Variants in ZNF99 observed in about 807,000 individuals in gnomAD.
ZNF99 encodes zinc finger protein 99.
In ZNF99, 8 loss-of-function variants were observed where a neutral mutation model predicts 12.8. The observed-to-expected ratio is 0.62, with a 90% CI of 0.37 to 1.13. The LOEUF is 1.13. Among genes scored for constraint, ZNF99 ranks in the 50% most tolerant of loss-of-function variants. ZNF99 has a pLI of 0.02. For missense variants in ZNF99, 1,007 were observed against 1,006.2 expected (o/e 1.00, Z -0.01); for synonymous variants, 318 against 319.0 (o/e 1.00, Z 0.03).
Position 22,754,647 on chromosome 19 carries a change from T to C in ZNF99, c.*2667A>G. On this transcript the variant is annotated 3_prime_UTR_variant, in exon 4 of 4. Transcript: ENST00000596209. ...GAAATGGTTACAGTGTTTGCCACAT[T>C]CTTCATATTTGTAGGGCTAGTTTCC... 1 of 337,614 alleles carries C rather than the reference T, an allele frequency of 3.0e-6. No individual in the cohort carries two copies. Among genetic ancestry groups the C allele is most frequent in the Non-Finnish European group, 5.9e-6 (1 of 170,126 alleles). 20.9% of individuals were successfully genotyped at this position (337,614 alleles called of 1,614,324 possible). A position where few individuals can be genotyped will look rare whatever the true frequency, so the allele number is the denominator to read the frequency against.
At position 22,753,072 on chromosome 19, in the gene ZNF99, GTAAA is replaced by G. The variant is rs2145133584; in HGVS notation, c.*4238_*4241del. 2 of 152,160 alleles carry G rather than the reference GTAAA, an allele frequency of 1.3e-5. No homozygotes were observed. The highest frequency in any genetic ancestry group is 2.1e-4 in the South Asian group (1 of 4,826). The allele number at this position is 152,160 out of a possible 1,614,324, so 9.4% of individuals were successfully genotyped here. A position where few individuals can be genotyped will look rare whatever the true frequency, so the allele number is the denominator to read the frequency against. On this transcript the variant is annotated 3_prime_UTR_variant, in exon 4 of 4. Coordinates refer to ENST00000596209, the MANE Select transcript of ZNF99 (RefSeq NM_001080409.3). The stretch of plus-strand genomic sequence containing the variant: ...AACAATTGATCGCATGCTTTCACAT[GTAAA>G]TAAAGTAGGAATGAAGAGCATGAAG...
At chr19:22,781,233 G>A (rs1250812869) in intron 1 of ZNF99, among the ~76,000 whole-genome samples, 2 of 152,000 alleles carry the variant, frequency 1.3e-5, no homozygotes, top group Non-Finnish European at 2.9e-5. Context: ...AGGTACAGAT[G>A]TGTCTGATTC....
intron 1 of ZNF99, among the ~76,000 whole-genome samples, chr19:22,783,689 C>T (rs1973415461): frequency 6.6e-6 from 1 of 152,148 alleles, no homozygotes; most frequent in Non-Finnish European, 1.5e-5. Context: ...GAACCCGCAC[C>T]CGGAGTCAGG....
At chr19:22,768,623 G>T (rs34611323) in intron 2 of ZNF99, among the ~76,000 whole-genome samples, 1 of 151,952 alleles carries the variant, frequency 6.6e-6, no homozygotes, top group South Asian at 2.1e-4. Flanking sequence ...AGATTTCAAG[G>T]TGTGGCAACT....
rs1302943564 is a variant in ZNF99 at position 22,757,056 on chromosome 19, T to C, written c.*258A>G. 1.2e-6 allele frequency: 2 copies of C among 1,612,834 alleles called. No individual in the cohort carries two copies. The highest frequency in any genetic ancestry group is 1.7e-4 in the Middle Eastern group (1 of 6,044). On this transcript the variant is annotated 3_prime_UTR_variant, in exon 4 of 4. Transcript: ENST00000596209. Reference sequence around the variant, plus strand: ...TCACATTTGTACGATTTCTCCCTAGTATGAATTAGCTTATGTTTCTTAAGG... The same window carrying C: ...TCACATTTGTACGATTTCTCCCTAGCATGAATTAGCTTATGTTTCTTAAGG...
At position 22,756,879 on chromosome 19, in the gene ZNF99, T is replaced by G. The variant is rs1973068409; in HGVS notation, c.*435A>C. The G allele has an allele frequency of 6.2e-7, 1 of 1,612,056 alleles. No homozygotes were observed. The highest frequency in any genetic ancestry group is 8.5e-7 in the Non-Finnish European group (1 of 1,179,176). Reference sequence around the variant, plus strand: ...GCCACATTCTTCACATTTGTAGGGTTTCTCTACAGTATGAATTACCTTATG... The same window carrying G: ...GCCACATTCTTCACATTTGTAGGGTGTCTCTACAGTATGAATTACCTTATG... On this transcript the variant is annotated 3_prime_UTR_variant, in exon 4 of 4. Transcript: ENST00000596209.
chr19:22,759,666 A>G lies in ZNF99; in HGVS notation c.243T>C (p.Phe81=). 1 of 1,543,450 alleles carries G rather than the reference A, an allele frequency of 6.5e-7. No homozygotes were observed. The highest frequency in any genetic ancestry group is 8.7e-7 in the Non-Finnish European group (1 of 1,152,476). ...VTKPPVISSH[F]TQDFWPDQSI... Reference sequence around the variant, plus strand: ...TCTGATCTGGCCAAAAGTCTTGTGTAAAATGAGAACTAATAACTGGAAGAA... The same window carrying G: ...TCTGATCTGGCCAAAAGTCTTGTGTGAAATGAGAACTAATAACTGGAAGAA... The change falls in exon 4 of 4, where the codon TTT becomes TTC. Residue 81 remains phenylalanine (F), a synonymous_variant. Transcript: ENST00000596209.
Position 22,757,377 on chromosome 19 carries a change from A to G in ZNF99, c.2532T>C (p.Pro844=), listed in dbSNP as rs1973077704. Residue 844 remains proline (P), a synonymous_variant, in exon 4 of 4, where the codon CCT becomes CCC. Transcript: ENST00000596209. ...LHKVIHMERN[P]ANVKNVAKLL... is the part of the protein sequence containing the mutation. The stretch of plus-strand genomic sequence containing the variant: ...GCTTTGCCACATTCTTCACATTTGC[A>G]GGGTTTCTCTCCATATGAATTACCT... The G allele has an allele frequency of 6.2e-7, 1 of 1,608,840 alleles. No homozygotes were observed. The highest frequency in any genetic ancestry group is 1.3e-5 in the African/African-American group (1 of 74,122).
rs1384441079 is a variant in ZNF99, at chr19:22,757,735, A to C, written c.2174T>G (p.Ile725Arg). The change falls in exon 4 of 4, where the codon ATA (isoleucine) becomes AGA (arginine). Residue 725 changes from isoleucine to arginine, a missense_variant. By Grantham distance (97) the Ile-to-Arg change is moderately conservative (BLOSUM62 -3). Transcript: ENST00000596209. ...GTAGGGTTTCTCTCCAGTATGAATT[A>C]TCTCATGTTTTCTAAGAGTTGAGGA... ...SQSSTLRKHE[I>R]IHTGEKPYKC... 1 of 1,612,168 alleles carries C rather than the reference A, an allele frequency of 6.2e-7. No individual in the cohort carries two copies. Among genetic ancestry groups the C allele is most frequent in the South Asian group, 1.1e-5 (1 of 91,046 alleles).
intron 1 of ZNF99, among the ~76,000 whole-genome samples, chr19:22,773,434 AT>A (rs1275473020): frequency 6.8e-6 from 1 of 147,182 alleles, no homozygotes; most frequent in Non-Finnish European, 1.5e-5. Context: ...GGTCACCTTA[AT>A]TAGTTAACAA....
At chr19:22,773,597 C>G (rs1302845656) in intron 1 of ZNF99, among the ~76,000 whole-genome samples, 2 of 152,152 alleles carry the variant, frequency 1.3e-5, no homozygotes, top group Non-Finnish European at 2.9e-5. Context: ...AACTTGAAGC[C>G]AGGTGCCTGC....
Position 22,758,095 on chromosome 19 carries a change from A to C in ZNF99, c.1814T>G (p.Phe605Cys). 6.2e-7 allele frequency: 1 copy of C among 1,602,210 alleles called. No homozygotes were observed. Among genetic ancestry groups the C allele is most frequent in the Non-Finnish European group, 8.5e-7 (1 of 1,173,086 alleles). ...CEECGKAFNH[F>C]SALRKHQIIH... ...TATCTGATGTTTTCTAAGGGCTGAGAAGTGGTTAAAAGCTTTGCCACATTC... is the reference window on the plus strand; with the variant it reads ...TATCTGATGTTTTCTAAGGGCTGAGCAGTGGTTAAAAGCTTTGCCACATTC... The change falls in exon 4 of 4, where the codon TTC becomes TGC. Residue 605 changes from phenylalanine to cysteine, a missense_variant. Phe to Cys is a radical substitution (Grantham distance 205). Coordinates refer to ENST00000596209, the MANE Select transcript of ZNF99 (RefSeq NM_001080409.3).
chr19:22,756,038 T>A lies in ZNF99; in HGVS notation c.*1276A>T. On this transcript the variant is annotated 3_prime_UTR_variant, in exon 4 of 4. Coordinates refer to ENST00000596209, the MANE Select transcript of ZNF99 (RefSeq NM_001080409.3). The stretch of plus-strand genomic sequence containing the variant: ...GGCTTTGCCACATTCTTTACATTTG[T>A]GGGGTTTCTCTCCAGCATGAATTGT... 1 of 1,097,650 alleles carries A rather than the reference T, an allele frequency of 9.1e-7. No individual in the cohort carries two copies. Among genetic ancestry groups the A allele is most frequent in the Non-Finnish European group, 1.3e-6 (1 of 775,726 alleles). The allele number at this position is 1,097,650 out of a possible 1,614,324, so 68.0% of individuals were successfully genotyped here.
Position 22,757,973 on chromosome 19 carries a change from C to T in ZNF99, c.1936G>A (p.Glu646Lys), listed in dbSNP as rs367725728. Reference sequence around the variant, plus strand: ...CATTCTTCACATTTGTAGGGTTTCTCTCCAGTATGAATTATCTCATGTTTT... The same window carrying T: ...CATTCTTCACATTTGTAGGGTTTCTTTCCAGTATGAATTATCTCATGTTTT... ...LRKHEIIHTG[E>K]KPYKCEECGK... The change falls in exon 4 of 4, where the codon GAG (glutamate) becomes AAG (lysine). Residue 646 changes from glutamate to lysine, a missense_variant. Coordinates refer to ENST00000596209, the MANE Select transcript of ZNF99 (RefSeq NM_001080409.3). 2.5e-6 allele frequency: 4 copies of T among 1,609,718 alleles called. No individual in the cohort carries two copies. The highest frequency in any genetic ancestry group is 2.7e-5 in the African/African-American group (2 of 73,534).
rs1294430350 is a variant in ZNF99, at chr19:22,767,126, A to C, written c.226+1179T>G. ...CTCTACCAAAAAAAAAAAAAAAAAA[A>C]ACCAAAAAACTAGCTGGGTTTAATG... On this transcript the variant is annotated intron_variant, in intron 3 of 3. Coordinates refer to ENST00000596209, the MANE Select transcript of ZNF99 (RefSeq NM_001080409.3). Among the ~76,000 whole-genome samples the C allele has an allele frequency of 2.0e-5, 3 of 148,700 alleles. No individual in the cohort carries two copies. In the South Asian group the frequency reaches 6.3e-4, roughly 31 times the overall value.
rs779186291 is a variant in ZNF99 at position 22,758,302 on chromosome 19, G to T, written c.1607C>A (p.Pro536His). 3.0e-5 allele frequency: 49 copies of T among 1,609,544 alleles called. No individual in the cohort carries two copies. The African/African-American group carries it at 6.4e-4, about 21-fold the overall frequency. The change falls in exon 4 of 4, where the codon CCC (proline) becomes CAC (histidine). Residue 536 changes from proline to histidine, a missense_variant. Pro to His is a moderately conservative substitution (Grantham distance 77). Coordinates refer to ENST00000596209, the MANE Select transcript of ZNF99 (RefSeq NM_001080409.3). Reference sequence around the variant, plus strand: ...TTTGCCACATTCTTCACATTTGTAGGGTTTCTTTCCAGTATGAATTATCTT... The same window carrying T: ...TTTGCCACATTCTTCACATTTGTAGTGTTTCTTTCCAGTATGAATTATCTT... ...KHKIIHTGKK[P>H]YKCEECGKAF...
At position 22,756,966 on chromosome 19, in the gene ZNF99, C is replaced by A; in HGVS notation, c.*348G>T. 1 of 1,609,820 alleles carries A rather than the reference C, an allele frequency of 6.2e-7. No individual in the cohort carries two copies. The highest frequency in any genetic ancestry group is 8.5e-7 in the Non-Finnish European group (1 of 1,178,144). Reference sequence around the variant, plus strand: ...CATTCTTCACATTTGTATGGTTTCTCCCCAGTATGAATTATCTTATGTTTC... The same window carrying A: ...CATTCTTCACATTTGTATGGTTTCTACCCAGTATGAATTATCTTATGTTTC... On this transcript the variant is annotated 3_prime_UTR_variant, in exon 4 of 4. Coordinates refer to ENST00000596209, the MANE Select transcript of ZNF99 (RefSeq NM_001080409.3).
At chr19:22,779,016 AAAAG>A (rs199716736) in intron 1 of ZNF99, among the ~76,000 whole-genome samples, 22,004 of 151,222 alleles carry the variant, frequency 0.15, 1,590 homozygotes, top group East Asian at 0.17. Context: ...TCAAAAAAAA[AAAAG>A]AAAGAAAAGA....
At chr19:22,783,918 C>G in intron 1 of ZNF99, 96 bp downstream of exon 1, 1 of 1,486,128 alleles carries the variant, frequency 6.7e-7, no homozygotes, top group Middle Eastern at 1.7e-4. Flanking sequence ...GACTGTGGAG[C>G]TCACTGAGGG....
Sources: gnomAD v4.1 joint callset for allele counts (sites outside exome capture counted in the v4.1 genomes callset) on GRCh38, gnomAD v4.1.1 for gene constraint, MANE v1.5 for transcripts, NCBI Gene and HGNC (gene_info 2026-07-23, HGNC 2026-07-21) for gene names.